TBC1D32: variants seen among roughly 807,000 people sequenced by gnomAD.
The protein encoded by TBC1D32 is protein broad-minded.
In TBC1D32, 151 loss-of-function variants were observed where a neutral mutation model predicts 170.3. The ratio of observed to expected loss-of-function variants is 0.89; its 90% CI spans 0.78 to 1.01. The LOEUF (loss-of-function observed/expected upper bound fraction) is 1.01, where lower values mean the gene tolerates loss of function less well. Ranked by LOEUF, TBC1D32 falls within the 50% of genes least tolerant of loss-of-function variation. The pLI is 0.00. For synonymous variants in TBC1D32, 498 were observed against 488.0 expected (o/e 1.02, Z -0.27); for missense variants, 1,464 against 1,457.1 (o/e 1.00, Z -0.08).
At chr6:121,142,062 T>C (rs1782856750) in intron 24 of TBC1D32, among the ~76,000 whole-genome samples, 1 of 152,234 alleles carries the variant, frequency 6.6e-6, no homozygotes, top group Non-Finnish European at 1.5e-5. Context: ...ACAAATTGTG[T>C]TTGCTCCAAG....
intron 9 of TBC1D32, among the ~76,000 whole-genome samples, chr6:121,301,693 A>T (rs985138469): frequency 1.3e-5 from 2 of 152,174 alleles, no homozygotes; most frequent in Admixed American, 6.5e-5. Context: ...TAGTAAAAAA[A>T]TTTTTTTGAA....
Position 121,168,427 on chromosome 6 carries a change from T to C in TBC1D32, c.2571-7371A>G, listed in dbSNP as rs1461178538. Among the ~76,000 whole-genome samples, 625 of 101,432 alleles carry C rather than the reference T, an allele frequency of 6.2e-3. 9 individuals are homozygous for C. The highest frequency in any genetic ancestry group is 0.02 in the African/African-American group (599 of 29,234). The allele number at this position is 101,432 out of a possible 152,430, so 66.5% of individuals were successfully genotyped here. On this transcript the variant is annotated intron_variant, in intron 22 of 31. Coordinates refer to ENST00000398212, the MANE Select transcript of TBC1D32 (RefSeq NM_152730.6). ...GTCCTTTGTAGGGACATGGATGAAATTGGAAACCATCATTCTCAGTAACCT... is the reference window on the plus strand; with the variant it reads ...GTCCTTTGTAGGGACATGGATGAAACTGGAAACCATCATTCTCAGTAACCT...
intron 2 of TBC1D32, 60 bp downstream of exon 2, chr6:121,321,573 T>A: frequency 6.7e-7 from 1 of 1,489,206 alleles, no homozygotes; most frequent in South Asian, 1.2e-5. Flanking sequence ...GAGATCAGGG[T>A]GCTGTCAAGA....
chr6:121,096,777 C>T lies in TBC1D32; in HGVS notation c.3466-5736G>A, dbSNP rs571429488. 1.1e-4 allele frequency among the ~76,000 whole-genome samples: 16 copies of T among 152,214 alleles called. No homozygotes were observed. In the South Asian group the frequency reaches 1.2e-3, roughly 12 times the overall value. ...CAAAAGAACAAAGCTGGAGGCATCA[C>T]GCTACCTGACTTCAAACTATACTAC... On this transcript the variant is annotated intron_variant, in intron 30 of 31. Coordinates refer to ENST00000398212, the MANE Select transcript of TBC1D32 (RefSeq NM_152730.6).
chr6:121,140,331 CAA>C (rs57301815), intron 24 of TBC1D32, among the ~76,000 whole-genome samples: 39,985 of 135,714 alleles, frequency 0.29, 8,082 homozygotes, highest in African/African-American at 0.58. Flanking sequence ...CAGGTTGGGG[CAA>C]AAAAAAAAAA....
chr6:121,261,532 C>T (rs988478856), intron 15 of TBC1D32, among the ~76,000 whole-genome samples: 4 of 152,176 alleles, frequency 2.6e-5, no homozygotes, highest in African/African-American at 7.2e-5. Flanking sequence ...AGCAGCCCTA[C>T]AGAAGAGGGA....
chr6:121,290,237 T>C (rs924445518), intron 12 of TBC1D32, among the ~76,000 whole-genome samples: 6 of 152,170 alleles, frequency 3.9e-5, no homozygotes, highest in Admixed American at 2.6e-4. Context: ...AGAAAAGTTT[T>C]GCAATCTATT....
intron 24 of TBC1D32, among the ~76,000 whole-genome samples, chr6:121,138,967 C>G (rs1385679112): frequency 1.3e-5 from 2 of 152,030 alleles, no homozygotes; most frequent in Non-Finnish European, 2.9e-5. Context: ...CCCTCAGCCT[C>G]TGGAGTAGCT....
chr6:121,149,758 A>G (rs924343950), intron 24 of TBC1D32, among the ~76,000 whole-genome samples: 1 of 152,214 alleles, frequency 6.6e-6, no homozygotes, highest in Non-Finnish European at 1.5e-5. Flanking sequence ...TCGGTTCCAC[A>G]TGAAATTTAA....
chr6:121,140,328 G>A (rs1413621737), intron 24 of TBC1D32, among the ~76,000 whole-genome samples: 1 of 129,274 alleles, frequency 7.7e-6, no homozygotes. Context: ...CATCAGGTTG[G>A]GGCAAAAAAA....
At chr6:121,153,413 G>A (rs976870292) in intron 24 of TBC1D32, among the ~76,000 whole-genome samples, 4 of 152,100 alleles carry the variant, frequency 2.6e-5, no homozygotes, top group Non-Finnish European at 2.9e-5. Flanking sequence ...AAGCTCTCCT[G>A]TATAAGGTGT....
intron 21 of TBC1D32, among the ~76,000 whole-genome samples, chr6:121,212,155 C>G (rs993797395): frequency 8.6e-5 from 13 of 151,936 alleles, no homozygotes; most frequent in Non-Finnish European, 1.9e-4. Flanking sequence ...CACATATGCC[C>G]CCCCAAGACT....
intron 12 of TBC1D32, among the ~76,000 whole-genome samples, chr6:121,290,260 G>A (rs1054935950): frequency 3.9e-5 from 6 of 152,004 alleles, no homozygotes; most frequent in African/African-American, 1.5e-4. Flanking sequence ...TCTGACAAAG[G>A]GCTAATATCC....
At chr6:121,293,727 C>T (rs550110670) in intron 11 of TBC1D32, among the ~76,000 whole-genome samples, 73 of 151,984 alleles carry the variant, frequency 4.8e-4, no homozygotes, top group African/African-American at 1.7e-3. Context: ...CTGGCCAGCA[C>T]AGTGAAACCC....
At position 121,241,554 on chromosome 6, in the gene TBC1D32, T is replaced by C; in HGVS notation, c.2158-2A>G. On this transcript the variant is annotated splice_acceptor_variant, in intron 18 of 31. Coordinates refer to ENST00000398212, the MANE Select transcript of TBC1D32 (RefSeq NM_152730.6). LOFTEE classifies it high-confidence loss of function. ...GCCAAATTTTTTATGCCTGCTGACC[T>C]AACAGCATAAATAAGGAACAGCAAT... The C allele has an allele frequency of 1.2e-6, 2 of 1,611,832 alleles. No individual in the cohort carries two copies.
chr6:121,199,310 T>G (rs926302831), intron 22 of TBC1D32, among the ~76,000 whole-genome samples: 1 of 151,324 alleles, frequency 6.6e-6, no homozygotes, highest in Admixed American at 6.6e-5. Context: ...TGATACAGAT[T>G]AATATTTATA....
intron 3 of TBC1D32, among the ~76,000 whole-genome samples, chr6:121,313,819 A>G (rs1263093901): frequency 2.0e-5 from 3 of 152,170 alleles, no homozygotes; most frequent in Non-Finnish European, 4.4e-5. Flanking sequence ...GTGTCTTGCC[A>G]TTTCTCAGCA....
intron 10 of TBC1D32, among the ~76,000 whole-genome samples, chr6:121,295,289 C>CAAAAAAAAAA (rs60783883): frequency 3.7e-5 from 4 of 108,576 alleles, no homozygotes; most frequent in African/African-American, 7.4e-5. Context: ...ATCCTAATTC[C>CAAAAAAAAAA]AAAAAAAAAA....
intron 30 of TBC1D32, among the ~76,000 whole-genome samples, chr6:121,102,136 TCA>T (rs1397644199): frequency 6.6e-6 from 1 of 151,966 alleles, no homozygotes; most frequent in African/African-American, 2.4e-5. Context: ...ATAGGAAGAA[TCA>T]ACACCGTGAA....
Sources: gnomAD v4.1 joint callset for allele counts (sites outside exome capture counted in the v4.1 genomes callset) on GRCh38, gnomAD v4.1.1 for gene constraint, MANE v1.5 for transcripts, NCBI Gene and HGNC (gene_info 2026-07-23, HGNC 2026-07-21) for gene names.